FOXJ3: variants seen among roughly 807,000 people sequenced by gnomAD.
FOXJ3 encodes the protein forkhead box protein J3.
In FOXJ3, 22 loss-of-function variants were observed where a neutral mutation model predicts 76.1. The ratio of observed to expected loss-of-function variants is 0.29; its 90% CI spans 0.21 to 0.41. FOXJ3 has a LOEUF of 0.41. Among genes scored for constraint, FOXJ3 ranks in the 10% least tolerant of loss-of-function variants. FOXJ3 has a pLI of 1.00. For synonymous variants in FOXJ3, 269 were observed against 261.2 expected (o/e 1.03, Z -0.29); for missense variants, 613 against 762.1 (o/e 0.80, Z 2.30).
chr1:42,245,185 A>C (rs934111788), intron 4 of FOXJ3, among the ~76,000 whole-genome samples: 3 of 148,104 alleles, frequency 2.0e-5, no homozygotes, highest in Admixed American at 6.8e-5. Context: ...AAAAAAAAAA[A>C]CAAGTCTCCC....
intron 4 of FOXJ3, among the ~76,000 whole-genome samples, chr1:42,238,585 T>C (rs1173916793): frequency 2.0e-5 from 3 of 152,022 alleles, no homozygotes; most frequent in East Asian, 1.9e-4. Flanking sequence ...CTTTTTGAGA[T>C]AGGGTCTCTG....
chr1:42,312,808 GA>G lies in FOXJ3; in HGVS notation c.-17-1699del, dbSNP rs201209811. On this transcript the variant is annotated intron_variant, in intron 1 of 12. Coordinates refer to ENST00000361346, the MANE Select transcript of FOXJ3 (RefSeq NM_014947.5). The stretch of plus-strand genomic sequence containing the variant: ...AACAACGTTCAGATCTTAACCAAGA[GA>G]ACTGCCAGGAAAACTGCTTTTTTAA... Among the ~76,000 whole-genome samples the G allele has an allele frequency of 2.0e-5, 3 of 152,358 alleles. No homozygotes were observed. The East Asian group carries it at 5.8e-4, about 29-fold the overall frequency.
intron 5 of FOXJ3, among the ~76,000 whole-genome samples, chr1:42,210,961 G>A (rs904170983): frequency 1.3e-5 from 2 of 152,150 alleles, no homozygotes; most frequent in South Asian, 2.1e-4. Flanking sequence ...ACATCATTAA[G>A]GGAGCACCTC....
In FOXJ3 at chr1:42,324,102, G is replaced by GTATATATACAGTATATATAC. The variant is rs1557725886; in HGVS notation, c.-18+10956_-18+10957insGTATATATACTGTATATATA. 8.3e-4 allele frequency among the ~76,000 whole-genome samples: 40 copies of GTATATATACAGTATATATAC among 48,418 alleles called. 5 individuals carry two copies. The highest frequency in any genetic ancestry group is 3.1e-3 in the Admixed American group (12 of 3,928). 31.8% of individuals were successfully genotyped at this position (48,418 alleles called of 152,430 possible). ...ATAGTATATATACTGTATATATACT[G>GTATATATACAGTATATATAC]TGTATATACACTGTATATACACAGT... On this transcript the variant is annotated intron_variant, in intron 1 of 12. Transcript: ENST00000361346.
At chr1:42,197,138 T>C (rs1473678508) in intron 7 of FOXJ3, among the ~76,000 whole-genome samples, 1 of 152,188 alleles carries the variant, frequency 6.6e-6, no homozygotes, top group African/African-American at 2.4e-5. Flanking sequence ...ATAATATTTG[T>C]TATTCCAAAC....
chr1:42,180,412 T>C (rs1646295141), intron 12 of FOXJ3, among the ~76,000 whole-genome samples: 2 of 152,194 alleles, frequency 1.3e-5, no homozygotes, highest in Admixed American at 1.3e-4. Flanking sequence ...GTGCTGTTTA[T>C]GCTCCCCAAT....
chr1:42,213,823 C>A (rs1002914909), intron 5 of FOXJ3, among the ~76,000 whole-genome samples: 4 of 152,162 alleles, frequency 2.6e-5, no homozygotes, highest in Non-Finnish European at 5.9e-5. Flanking sequence ...AGAGGAGACA[C>A]TGGTCAATGG....
chr1:42,242,860 T>C (rs1649257047), intron 4 of FOXJ3, among the ~76,000 whole-genome samples: 1 of 152,164 alleles, frequency 6.6e-6, no homozygotes. Flanking sequence ...GATCCCCCAA[T>C]AGATATAATC....
rs1350722145 is a variant in FOXJ3, at chr1:42,191,325, T to G, written c.1329A>C (p.Pro443=). 3.9e-6 allele frequency: 6 copies of G among 1,546,434 alleles called. No individual in the cohort carries two copies. The highest frequency in any genetic ancestry group is 1.4e-5 in the African/African-American group (1 of 73,368). ...QTLTHQAPPP[P]QQVSCNSGVS... is the part of the protein sequence containing the mutation. Reference sequence around the variant, plus strand: ...TACCAGAATTACAGGATACCTGTTGTGGGGGTGGGGGTGCCTGATGTGTTA... The same window carrying G: ...TACCAGAATTACAGGATACCTGTTGGGGGGGTGGGGGTGCCTGATGTGTTA... Residue 443 remains proline (P), a synonymous_variant, in exon 9 of 13, where the codon CCA becomes CCC. Transcript: ENST00000361346.
intron 2 of FOXJ3, among the ~76,000 whole-genome samples, chr1:42,290,316 T>G (rs1257234108): frequency 6.6e-6 from 1 of 152,150 alleles, no homozygotes; most frequent in African/African-American, 2.4e-5. Flanking sequence ...AGCTGACCGT[T>G]ACCTACTACT....
rs1569726664 is a variant in FOXJ3 at position 42,177,984 on chromosome 1, T to TG, written c.*1725dup. 1 of 152,094 alleles carries TG rather than the reference T, an allele frequency of 6.6e-6. No homozygotes were observed. The highest frequency in any genetic ancestry group is 1.9e-4 in the East Asian group (1 of 5,176). 9.4% of individuals were successfully genotyped at this position (152,094 alleles called of 1,614,324 possible). On this transcript the variant is annotated 3_prime_UTR_variant, in exon 13 of 13. Transcript: ENST00000361346. ...TTTCCCCATTAGAACTGACACTTTT[T>TG]GGGGGGTCTAAAGAATCAATTCAAA...
intron 1 of FOXJ3, among the ~76,000 whole-genome samples, chr1:42,317,664 G>A (rs1463303563): frequency 2.0e-5 from 3 of 152,060 alleles, no homozygotes; most frequent in East Asian, 1.9e-4. Flanking sequence ...ATAATAATAC[G>A]ACAGTGGGTA....
chr1:42,263,064 C>G (rs1456578887), intron 4 of FOXJ3, among the ~76,000 whole-genome samples: 1 of 152,088 alleles, frequency 6.6e-6, no homozygotes, highest in Non-Finnish European at 1.5e-5. Flanking sequence ...TCTCAGGACT[C>G]AATTTATTTC....
intron 2 of FOXJ3, 150 bp downstream of exon 2, chr1:42,310,900 A>G: frequency 3.7e-6 from 2 of 541,106 alleles, no homozygotes; most frequent in Non-Finnish European, 6.6e-6. Flanking sequence ...CAGAAATATC[A>G]TTCCATTCCG....
At chr1:42,311,841 TCA>T (rs1654834084) in intron 1 of FOXJ3, among the ~76,000 whole-genome samples, 1 of 152,162 alleles carries the variant, frequency 6.6e-6, no homozygotes, top group African/African-American at 2.4e-5. Context: ...ATAACTTTAT[TCA>T]GAGGGGATTA....
chr1:42,332,367 C>T (rs986288836), intron 1 of FOXJ3, among the ~76,000 whole-genome samples: 1 of 152,162 alleles, frequency 6.6e-6, no homozygotes, highest in Non-Finnish European at 1.5e-5. Flanking sequence ...AAGCAACTTG[C>T]CCAAAGTCCC....
chr1:42,302,525 C>T (rs1654218808), intron 2 of FOXJ3, among the ~76,000 whole-genome samples: 1 of 152,152 alleles, frequency 6.6e-6, no homozygotes, highest in African/African-American at 2.4e-5. Context: ...AGCTGGGGTC[C>T]AATGGGCAAC....
chr1:42,280,704 T>C (rs1447486722), intron 2 of FOXJ3, among the ~76,000 whole-genome samples: 2 of 152,274 alleles, frequency 1.3e-5, no homozygotes, highest in South Asian at 2.1e-4. Flanking sequence ...GATCTCCTGA[T>C]ACCCAATCTG....
chr1:42,235,509 T>C (rs1050689484), intron 4 of FOXJ3, among the ~76,000 whole-genome samples: 8 of 152,116 alleles, frequency 5.3e-5, no homozygotes, highest in African/African-American at 1.2e-4. Flanking sequence ...CTAGGAGCTG[T>C]AGACTGGAGC....
Sources: gnomAD v4.1 joint callset for allele counts (sites outside exome capture counted in the v4.1 genomes callset) on GRCh38, gnomAD v4.1.1 for gene constraint, MANE v1.5 for transcripts, NCBI Gene and HGNC (gene_info 2026-07-23, HGNC 2026-07-21) for gene names.